NCKAP5: variants seen among roughly 807,000 people sequenced by gnomAD.
NCKAP5 encodes NCK associated protein 5.
NCKAP5 carries 92 observed loss-of-function variants against 167.0 expected under a neutral mutation model. The ratio of observed to expected loss-of-function variants is 0.55; its 90% CI spans 0.47 to 0.66. The LOEUF is 0.66. Ranked by LOEUF, NCKAP5 falls within the 30% of genes least tolerant of loss-of-function variation. The pLI is 0.00. For synonymous variants in NCKAP5, 891 were observed against 877.4 expected (o/e 1.02, Z -0.27); for missense variants, 2,378 against 2,315.0 (o/e 1.03, Z -0.56).
chr2:132,901,022 A>G (rs1020240265), intron 8 of NCKAP5, among the ~76,000 whole-genome samples: 1 of 151,782 alleles, frequency 6.6e-6, no homozygotes, highest in Non-Finnish European at 1.5e-5. Flanking sequence ...AGAGATCTCA[A>G]CTTCACTCAA....
intron 19 of NCKAP5, among the ~76,000 whole-genome samples, chr2:132,688,381 T>G (rs1396835050): frequency 1.3e-5 from 2 of 152,168 alleles, no homozygotes; most frequent in African/African-American, 2.4e-5. Context: ...ATAAAATAAC[T>G]TGTTATTCCA....
intron 3 of NCKAP5, among the ~76,000 whole-genome samples, chr2:133,363,680 G>A (rs1685269172): frequency 6.6e-6 from 1 of 152,036 alleles, no homozygotes; most frequent in Non-Finnish European, 1.5e-5. Context: ...AAGATTAATA[G>A]CAATATTTTC....
chr2:133,323,160 A>G (rs57942569), intron 3 of NCKAP5, among the ~76,000 whole-genome samples: 30,404 of 152,114 alleles, frequency 0.2, 3,053 homozygotes, highest in African/African-American at 0.21. Context: ...AAAAGTAGGG[A>G]AAAATCTCAA....
At chr2:133,066,181 C>T (rs1384285376) in intron 6 of NCKAP5, among the ~76,000 whole-genome samples, 2 of 152,140 alleles carry the variant, frequency 1.3e-5, no homozygotes, top group Non-Finnish European at 2.9e-5. Flanking sequence ...AGGTTTAGTA[C>T]ATCAATATGG....
At chr2:133,059,954 G>A (rs114639740) in intron 6 of NCKAP5, among the ~76,000 whole-genome samples, 2,563 of 152,056 alleles carry the variant, frequency 0.017, 23 homozygotes, top group Non-Finnish European at 0.025. Flanking sequence ...AATGAGGGAG[G>A]AAAGAGAAAG....
chr2:133,539,656 A>G (rs1686061163), intron 2 of NCKAP5, among the ~76,000 whole-genome samples: 2 of 152,330 alleles, frequency 1.3e-5, no homozygotes, highest in East Asian at 1.9e-4. Flanking sequence ...TGAAATGCCA[A>G]TAAGACAAAA....
intron 8 of NCKAP5, among the ~76,000 whole-genome samples, chr2:132,920,273 G>T (rs773598509): frequency 6.6e-6 from 1 of 152,080 alleles, no homozygotes; most frequent in African/African-American, 2.4e-5. Flanking sequence ...TGTGACCAAG[G>T]GCAGGTTACT....
At chr2:133,670,930 A>G in the NCKAP5 span, among the ~76,000 whole-genome samples, 3 of 152,194 alleles carry the variant, frequency 2.0e-5, no homozygotes, top group African/African-American at 7.2e-5. Context: ...AGAAACAAAG[A>G]TGAGGCCAGG....
At chr2:132,911,098 A>G in intron 8 of NCKAP5, 1 of 214,624 alleles carries the variant, frequency 4.7e-6, no homozygotes, top group East Asian at 1.1e-4. Flanking sequence ...TTGTTGCTAG[A>G]GAATACTGTG....
chr2:132,825,907 G>C (rs1260686610), intron 11 of NCKAP5, among the ~76,000 whole-genome samples: 1 of 152,224 alleles, frequency 6.6e-6, no homozygotes, highest in Admixed American at 6.5e-5. Context: ...ACATTAAATG[G>C]TGACAAGTGT....
chr2:133,092,413 C>G (rs541692766), intron 6 of NCKAP5, among the ~76,000 whole-genome samples: 1 of 152,134 alleles, frequency 6.6e-6, no homozygotes, highest in African/African-American at 2.4e-5. Context: ...TTCCCTAGAG[C>G]CTTCTGAAGG....
chr2:133,061,410 T>G (rs928478779), intron 6 of NCKAP5, among the ~76,000 whole-genome samples: 5 of 152,218 alleles, frequency 3.3e-5, no homozygotes, highest in Non-Finnish European at 7.3e-5. Context: ...CTAGAAGAAG[T>G]TTTTTTCTGC....
the NCKAP5 span, among the ~76,000 whole-genome samples, chr2:133,653,565 G>T: frequency 2.0e-5 from 3 of 152,190 alleles, no homozygotes; most frequent in African/African-American, 7.2e-5. Context: ...GTCCTTTCAA[G>T]ATGACCCTAT....
rs2082545904 is a variant in NCKAP5 at position 133,130,079 on chromosome 2, C to T, written c.240G>A (p.Glu80=). 3 of 1,611,654 alleles carry T rather than the reference C, an allele frequency of 1.9e-6. No homozygotes were observed. Among genetic ancestry groups the T allele is most frequent in the Non-Finnish European group, 2.5e-6 (3 of 1,179,132 alleles). ...TCTCGCTTTGAAGACGTAAGTGTCTCTCCTCTTCCAGTTCATGTATCAGCT... is the reference window on the plus strand; with the variant it reads ...TCTCGCTTTGAAGACGTAAGTGTCTTTCCTCTTCCAGTTCATGTATCAGCT... The part of the protein sequence containing the change: ...HEKLIHELEE[E]RHLRLQSEKR... The change falls in exon 6 of 20, where the codon GAG becomes GAA. Residue 80 remains glutamate (E), a synonymous_variant. Coordinates refer to ENST00000409261, the MANE Select transcript of NCKAP5 (RefSeq NM_207363.3).
the NCKAP5 span, among the ~76,000 whole-genome samples, chr2:133,633,676 C>G: frequency 4.6e-5 from 7 of 152,264 alleles, no homozygotes; most frequent in African/African-American, 1.7e-4. Context: ...TGGACAGTAT[C>G]GGCTTCATTT....
rs568517936 is a variant in NCKAP5 at position 133,422,248 on chromosome 2, C to G, written c.69+95210G>C. On this transcript the variant is annotated intron_variant, in intron 3 of 19. Transcript: ENST00000409261. ...ATACATGGCCTCTGTCCTCAAGGAG[C>G]TTACTCCCAGCACAGGTTGCTCTAT... Among the ~76,000 whole-genome samples the G allele has an allele frequency of 3.3e-5, 5 of 152,336 alleles. No homozygotes were observed. The East Asian group carries it at 7.7e-4, about 24-fold the overall frequency.
intron 5 of NCKAP5, among the ~76,000 whole-genome samples, chr2:133,184,700 C>T (rs1420540233): frequency 6.6e-6 from 1 of 152,096 alleles, no homozygotes; most frequent in Non-Finnish European, 1.5e-5. Context: ...TTTTGACTTG[C>T]ATTTCTCTGA....
chr2:133,279,433 T>C (rs569552921), intron 4 of NCKAP5, among the ~76,000 whole-genome samples: 80 of 152,360 alleles, frequency 5.3e-4, no homozygotes, highest in African/African-American at 1.6e-3. Flanking sequence ...AAACAATCAT[T>C]TTGTTTTCAA....
chr2:132,831,221 T>C (rs1233041006), intron 11 of NCKAP5, among the ~76,000 whole-genome samples: 4 of 152,202 alleles, frequency 2.6e-5, no homozygotes, highest in Admixed American at 6.5e-5. Context: ...TTTTGGTTAT[T>C]TCTGATTCTT....
Sources: allele counts gnomAD v4.1 joint callset (sites outside exome capture counted in the v4.1 genomes callset), GRCh38; gene constraint gnomAD v4.1.1; transcripts MANE v1.5; gene names NCBI Gene and HGNC (gene_info 2026-07-23, HGNC 2026-07-21).